The following NTM variants were observed in gnomAD, a reference collection of about 807,000 sequenced individuals.
NTM encodes the protein neurotrimin.
A neutral mutation model predicts 42.1 loss-of-function variants in NTM; 13 were observed. That is an observed-to-expected ratio of 0.31 (90% confidence interval 0.20 to 0.49). The LOEUF is 0.49. NTM is among the 20% of genes least tolerant of loss of function. The pLI is 0.99. For synonymous variants in NTM, 187 were observed against 179.2 expected, an observed-to-expected ratio of 1.04 and a Z score of -0.35; for missense variants, 373 against 452.8, an observed-to-expected ratio of 0.82 and a Z score of 1.60.
At chr11:131,553,877 C>A (rs768618632) in intron 1 of NTM, among the ~76,000 whole-genome samples, 4 of 152,162 alleles carry the variant, frequency 2.6e-5, no homozygotes, top group Non-Finnish European at 4.4e-5. Flanking sequence ...CAACCCGTTG[C>A]CCATATATAT....
intron 3 of NTM, among the ~76,000 whole-genome samples, chr11:132,177,119 A>G (rs896535449): frequency 1.3e-5 from 2 of 152,164 alleles, no homozygotes; most frequent in African/African-American, 2.4e-5. Context: ...ATGGATTATA[A>G]CAGTCTAAAG....
intron 2 of NTM, among the ~76,000 whole-genome samples, chr11:131,954,522 T>C (rs2061362912): frequency 6.6e-6 from 1 of 152,234 alleles, no homozygotes; most frequent in African/African-American, 2.4e-5. Flanking sequence ...CAGGAGGATG[T>C]ACATTCATCC....
intron 1 of NTM, among the ~76,000 whole-genome samples, chr11:131,764,145 C>A (rs968674517): frequency 2.0e-5 from 3 of 151,904 alleles, no homozygotes; most frequent in African/African-American, 4.8e-5. Context: ...TAATAAGCGG[C>A]AACATTACCA....
intron 1 of NTM, among the ~76,000 whole-genome samples, chr11:131,518,018 T>C (rs2136526946): frequency 6.6e-6 from 1 of 152,354 alleles, no homozygotes; most frequent in East Asian, 1.9e-4. Flanking sequence ...TTGTATTCCA[T>C]TTTATAGCTT....
chr11:131,801,481 T>A (rs1430827158), intron 1 of NTM, among the ~76,000 whole-genome samples: 1 of 152,194 alleles, frequency 6.6e-6, no homozygotes, highest in Non-Finnish European at 1.5e-5. Flanking sequence ...TGTGTTCCGC[T>A]CAGCTTGGAG....
At chr11:131,406,802 A>G (rs1301343541) in intron 1 of NTM, among the ~76,000 whole-genome samples, 2 of 152,160 alleles carry the variant, frequency 1.3e-5, no homozygotes, top group Non-Finnish European at 2.9e-5. Context: ...ATGACTGTAT[A>G]TCACTCTGAG....
At chr11:132,316,207 GCTT>G (rs1017699359) in intron 7 of NTM, among the ~76,000 whole-genome samples, 4 of 151,072 alleles carry the variant, frequency 2.6e-5, no homozygotes, top group Admixed American at 6.6e-5. Flanking sequence ...TACTTCCCCG[GCTT>G]CTTCTCCTTA....
chr11:132,015,781 T>A (rs981631656), intron 2 of NTM, among the ~76,000 whole-genome samples: 2 of 152,028 alleles, frequency 1.3e-5, no homozygotes, highest in African/African-American at 4.8e-5. Context: ...TATGCAACTT[T>A]ACTGAATTTT....
At chr11:132,011,254 C>T (rs1274566422) in intron 2 of NTM, among the ~76,000 whole-genome samples, 1 of 152,068 alleles carries the variant, frequency 6.6e-6, no homozygotes, top group African/African-American at 2.4e-5. Flanking sequence ...GAGGGGAACT[C>T]CTTGACAACA....
At chr11:132,264,398 G>A (rs1251065357) in intron 4 of NTM, among the ~76,000 whole-genome samples, 3 of 152,124 alleles carry the variant, frequency 2.0e-5, no homozygotes, top group East Asian at 1.9e-4. Flanking sequence ...CATTATGGAC[G>A]TTAACCCTTT....
intron 2 of NTM, among the ~76,000 whole-genome samples, chr11:131,999,570 CCCTT>C (rs1299781658): frequency 1.1e-4 from 17 of 152,338 alleles, no homozygotes; most frequent in African/African-American, 4.1e-4. Context: ...GGTAGATGCT[CCCTT>C]CCTTCCAGAG....
intron 1 of NTM, among the ~76,000 whole-genome samples, chr11:131,714,448 C>T (rs1263909497): frequency 2.0e-5 from 3 of 152,156 alleles, no homozygotes; most frequent in Non-Finnish European, 2.9e-5. Flanking sequence ...ACCTTGGCCT[C>T]CCAAATTGTT....
chr11:131,629,121 G>A (rs1459098414), intron 1 of NTM, among the ~76,000 whole-genome samples: 1 of 152,234 alleles, frequency 6.6e-6, no homozygotes, highest in Non-Finnish European at 1.5e-5. Flanking sequence ...GCAGCTTGTG[G>A]CTGAGGGTTT....
intron 2 of NTM, among the ~76,000 whole-genome samples, chr11:132,004,155 G>C (rs1387119474): frequency 6.6e-6 from 1 of 152,204 alleles, no homozygotes; most frequent in Non-Finnish European, 1.5e-5. Context: ...AGGGGAATGA[G>C]GGGGGCATTG....
intron 1 of NTM, among the ~76,000 whole-genome samples, chr11:131,496,886 G>A (rs1034169253): frequency 2.0e-5 from 3 of 152,176 alleles, no homozygotes; most frequent in African/African-American, 7.2e-5. Flanking sequence ...AGATTTTGAG[G>A]CCTCAGAAGA....
chr11:132,238,984 T>C (rs1289309047), intron 4 of NTM, among the ~76,000 whole-genome samples: 3 of 152,200 alleles, frequency 2.0e-5, no homozygotes, highest in African/African-American at 7.2e-5. Flanking sequence ...CTACCATTTT[T>C]GAGGTGGGCA....
chr11:132,166,897 G>A (rs546472223), intron 3 of NTM, among the ~76,000 whole-genome samples: 3 of 152,242 alleles, frequency 2.0e-5, no homozygotes, highest in East Asian at 3.9e-4. Flanking sequence ...TGAGAGGACC[G>A]TTGTCATCTG....
At chr11:131,985,379 C>T (rs1443218210) in intron 2 of NTM, among the ~76,000 whole-genome samples, 1 of 152,174 alleles carries the variant, frequency 6.6e-6, no homozygotes, top group East Asian at 1.9e-4. Context: ...CAGAATCCTA[C>T]TCTTGGTACC....
At chr11:131,769,938 C>T (rs992998107) in intron 1 of NTM, among the ~76,000 whole-genome samples, 2 of 152,124 alleles carry the variant, frequency 1.3e-5, no homozygotes, top group East Asian at 1.9e-4. Flanking sequence ...GCAGGCTGCT[C>T]GCCACCTTTT....
Sources: gnomAD v4.1 joint callset for allele counts (sites outside exome capture counted in the v4.1 genomes callset) on GRCh38, gnomAD v4.1.1 for gene constraint, MANE v1.5 for transcripts, NCBI Gene and HGNC (gene_info 2026-07-23, HGNC 2026-07-21) for gene names.